The following PDE10A variants were observed in gnomAD, a reference collection of about 807,000 sequenced individuals.
PDE10A encodes the protein cAMP and cAMP-inhibited cGMP 3',5'-cyclic phosphodiesterase 10A.
A neutral mutation model predicts 97.7 loss-of-function variants in PDE10A; 39 were observed. That is an observed-to-expected ratio of 0.40 (90% CI 0.31 to 0.52). The LOEUF (loss-of-function observed/expected upper bound fraction) is 0.52. Ranked by LOEUF, PDE10A falls within the 20% of genes least tolerant of loss-of-function variation. The pLI, the probability that PDE10A is intolerant of heterozygous loss-of-function variation, is 0.56. For missense variants in PDE10A, 731 were observed against 1,047.8 expected, an observed-to-expected ratio of 0.70 and a Z score of 4.17; for synonymous variants, 371 against 376.8, an observed-to-expected ratio of 0.98 and a Z score of 0.18.
At chr6:165,424,166 A>C (rs577818042) in intron 10 of PDE10A, among the ~76,000 whole-genome samples, 1 of 152,272 alleles carries the variant, frequency 6.6e-6, no homozygotes, top group African/African-American at 2.4e-5. Context: ...CCAAAGTCAC[A>C]GCATCAGGAA....
intron 3 of PDE10A, among the ~76,000 whole-genome samples, chr6:165,471,235 T>C (rs547519635): frequency 6.6e-6 from 1 of 152,296 alleles, no homozygotes; most frequent in East Asian, 1.9e-4. Flanking sequence ...TGATTCTCTT[T>C]CCACCTCTTG....
At chr6:165,430,138 C>T (rs1789448461) in intron 9 of PDE10A, 149 bp downstream of exon 9, 3 of 588,916 alleles carry the variant, frequency 5.1e-6, no homozygotes, top group African/African-American at 1.9e-5. Flanking sequence ...CTCTACAATC[C>T]ATAATATGAT....
chr6:165,750,591 G>A (rs1792976274), intron 1 of PDE10A, among the ~76,000 whole-genome samples: 1 of 152,218 alleles, frequency 6.6e-6, no homozygotes, highest in African/African-American at 2.4e-5. Flanking sequence ...GTTCCACAGA[G>A]ACCACAGTTT....
chr6:165,597,148 C>G (rs1289417562), intron 1 of PDE10A, among the ~76,000 whole-genome samples: 3 of 152,060 alleles, frequency 2.0e-5, no homozygotes, highest in African/African-American at 7.2e-5. Context: ...ATGCAGGTAT[C>G]CTGGAGGAAA....
Position 165,794,522 on chromosome 6 carries a change from G to T in PDE10A, c.-615+193007C>A, listed in dbSNP as rs144262085. 2.2e-3 allele frequency among the ~76,000 whole-genome samples: 329 copies of T among 148,688 alleles called. 2 individuals carry two copies. Among genetic ancestry groups the T allele is most frequent in the African/African-American group, 7.7e-3 (309 of 40,328 alleles). Reference sequence around the variant, plus strand: ...CACTCACATGCTCACTCATACACTCGCACACCCTCACACACACTCATTACA... The same window carrying T: ...CACTCACATGCTCACTCATACACTCTCACACCCTCACACACACTCATTACA... On this transcript the variant is annotated intron_variant, in intron 1 of 19. Transcript: ENST00000366882.
rs1240716955 is a variant in PDE10A at position 165,747,072 on chromosome 6, AG to A, written c.-614-203505del. On this transcript the variant is annotated intron_variant, in intron 1 of 19. Coordinates refer to the PDE10A transcript ENST00000366882. ...TTCTGATGAGACTATGCTATATCTT[AG>A]TTCAATAAAACTTGGAAGATTTATA... is the stretch of plus-strand genomic sequence containing the variant. Among the ~76,000 whole-genome samples, 12 of 152,344 alleles carry A rather than the reference AG, an allele frequency of 7.9e-5. No individual in the cohort carries two copies. In the South Asian group the frequency reaches 1.2e-3, roughly 16 times the overall value.
intron 1 of PDE10A, among the ~76,000 whole-genome samples, chr6:165,750,859 G>A (rs1792982323): frequency 6.6e-6 from 1 of 150,748 alleles, no homozygotes; most frequent in Non-Finnish European, 1.5e-5. Context: ...TGGCATGCAG[G>A]TCCTCCTGCA....
At chr6:165,745,554 A>C (rs554226100) in intron 1 of PDE10A, among the ~76,000 whole-genome samples, 1 of 152,360 alleles carries the variant, frequency 6.6e-6, no homozygotes, top group African/African-American at 2.4e-5. Context: ...TAGAAAACTC[A>C]TTTCATTTTC....
chr6:165,499,601 A>G (rs1336998546), intron 2 of PDE10A, among the ~76,000 whole-genome samples: 1 of 152,222 alleles, frequency 6.6e-6, no homozygotes, highest in Non-Finnish European at 1.5e-5. Flanking sequence ...GCTTATGGCA[A>G]TGATCAATGA....
chr6:165,657,018 T>C (rs2128428726), intron 1 of PDE10A, among the ~76,000 whole-genome samples: 2 of 152,386 alleles, frequency 1.3e-5, no homozygotes, highest in East Asian at 3.9e-4. Context: ...CCATGTTTTG[T>C]TCTGTTTAGA....
At chr6:165,936,305 A>G (rs1783326215) in intron 1 of PDE10A, among the ~76,000 whole-genome samples, 1 of 152,192 alleles carries the variant, frequency 6.6e-6, no homozygotes, top group African/African-American at 2.4e-5. Context: ...GTGATGAACC[A>G]TGGAGAGAAT....
At chr6:165,666,088 C>T (rs1004780911), upstream of PDE10A, among the ~76,000 whole-genome samples, 2 of 152,158 alleles carry the variant, frequency 1.3e-5, no homozygotes, top group African/African-American at 2.4e-5. Context: ...GAAATTTCTT[C>T]ATGATAATTT....
intron 1 of PDE10A, among the ~76,000 whole-genome samples, chr6:165,765,231 A>T (rs943155463): frequency 4.6e-5 from 7 of 152,268 alleles, no homozygotes; most frequent in Admixed American, 2.6e-4. Flanking sequence ...CACCCAGTGG[A>T]TCCCGCACGG....
chr6:165,850,313 T>C (rs1348429911), intron 1 of PDE10A, among the ~76,000 whole-genome samples: 1 of 152,212 alleles, frequency 6.6e-6, no homozygotes, highest in African/African-American at 2.4e-5. Context: ...GTCTTGGCAT[T>C]TTTATGCAAA....
chr6:165,802,993 C>G (rs1041910057), intron 1 of PDE10A, among the ~76,000 whole-genome samples: 1 of 152,154 alleles, frequency 6.6e-6, no homozygotes, highest in Non-Finnish European at 1.5e-5. Flanking sequence ...TCCCAGATGT[C>G]AGGGCTTTGT....
At chr6:165,942,769 C>T (rs747394030) in intron 1 of PDE10A, among the ~76,000 whole-genome samples, 12 of 152,140 alleles carry the variant, frequency 7.9e-5, no homozygotes, top group Non-Finnish European at 1.3e-4. Flanking sequence ...TAGGTATTTA[C>T]GACAAGGCCC....
chr6:165,612,164 C>T (rs998207658), intron 1 of PDE10A, among the ~76,000 whole-genome samples: 18 of 152,170 alleles, frequency 1.2e-4, no homozygotes, highest in African/African-American at 3.9e-4. Context: ...ATATATATTG[C>T]TCAGAGAATA....
intron 1 of PDE10A, among the ~76,000 whole-genome samples, chr6:165,652,940 G>A (rs1377768160): frequency 6.6e-6 from 1 of 152,118 alleles, no homozygotes; most frequent in East Asian, 1.9e-4. Flanking sequence ...ATCAACTCAG[G>A]GTGGCTGCTC....
At chr6:165,365,754 G>T (rs1458831828) in intron 18 of PDE10A, among the ~76,000 whole-genome samples, 1 of 152,068 alleles carries the variant, frequency 6.6e-6, no homozygotes, top group African/African-American at 2.4e-5. Flanking sequence ...AATTTAAAAG[G>T]TGACTGGATA....
Sources: gnomAD v4.1 joint callset for allele counts (sites outside exome capture counted in the v4.1 genomes callset) on GRCh38, gnomAD v4.1.1 for gene constraint, MANE v1.5 for transcripts, NCBI Gene and HGNC (gene_info 2026-07-23, HGNC 2026-07-21) for gene names.